Variants in WDFY3 observed in about 807,000 individuals in gnomAD.
The protein encoded by WDFY3 is WD repeat and FYVE domain containing 3, also known as WD repeat and FYVE domain-containing protein 3.
Under a neutral mutation model 409.6 loss-of-function variants are expected in WDFY3, and 66 were observed. The ratio of observed to expected loss-of-function variants is 0.16; its 90% CI spans 0.13 to 0.20. The LOEUF (loss-of-function observed/expected upper bound fraction) is 0.20. WDFY3 is among the 10% of genes least tolerant of loss of function. The pLI is 1.00. For missense variants in WDFY3, 3,031 were observed against 4,298.1 expected, an observed-to-expected ratio of 0.71 and a Z score of 8.24; for synonymous variants, 1,521 against 1,537.1, an observed-to-expected ratio of 0.99 and a Z score of 0.25.
intron 44 of WDFY3, among the ~76,000 whole-genome samples, chr4:84,731,730 T>C (rs915346564): frequency 2.0e-5 from 3 of 152,198 alleles, no homozygotes; most frequent in African/African-American, 7.2e-5. Context: ...TTATCTGATA[T>C]AGAAGTTTAA....
chr4:84,834,792 T>C (rs756646688), intron 7 of WDFY3, among the ~76,000 whole-genome samples: 3 of 152,186 alleles, frequency 2.0e-5, no homozygotes, highest in Non-Finnish European at 2.9e-5. Context: ...GCATGAAGCA[T>C]TACCAAATGC....
chr4:84,705,363 A>G lies in WDFY3; in HGVS notation c.8335+31T>C, dbSNP rs551185113. On this transcript the variant is annotated intron_variant, in intron 54 of 67. Transcript: ENST00000295888. ...AATGACTTACTTTTGAAACTTGGGTACAAAGTCCAATGACAGAAAAAGTTC... is the reference window on the plus strand; with the variant it reads ...AATGACTTACTTTTGAAACTTGGGTGCAAAGTCCAATGACAGAAAAAGTTC... 46 of 1,579,074 alleles carry G rather than the reference A, an allele frequency of 2.9e-5. No individual in the cohort carries two copies. The East Asian group carries it at 6.5e-4, about 22-fold the overall frequency.
chr4:84,890,393 C>T (rs1417093046), intron 3 of WDFY3, among the ~76,000 whole-genome samples: 3 of 152,226 alleles, frequency 2.0e-5, no homozygotes, highest in African/African-American at 4.8e-5. Context: ...AGCCACCACA[C>T]GTGGCCTTGC....
At chr4:84,868,005 C>T (rs1761638687) in intron 3 of WDFY3, among the ~76,000 whole-genome samples, 1 of 151,510 alleles carries the variant, frequency 6.6e-6, no homozygotes, top group Non-Finnish European at 1.5e-5. Flanking sequence ...CCTGTCTCTA[C>T]TAAAAATACA....
chr4:84,837,676 TCTAGAC>T (rs1756779861), intron 6 of WDFY3, among the ~76,000 whole-genome samples: 1 of 152,208 alleles, frequency 6.6e-6, no homozygotes, highest in African/African-American at 2.4e-5. Flanking sequence ...GAGGAGAAAC[TCTAGAC>T]CTTCTTACAG....
intron 3 of WDFY3, among the ~76,000 whole-genome samples, chr4:84,871,520 AG>A (rs1762132006): frequency 6.6e-6 from 1 of 152,244 alleles, no homozygotes; most frequent in Non-Finnish European, 1.5e-5. Context: ...AAATGTTAAA[AG>A]TTCTTCAGGA....
At chr4:84,849,395 C>T (rs1758560827) in intron 5 of WDFY3, among the ~76,000 whole-genome samples, 1 of 151,996 alleles carries the variant, frequency 6.6e-6, no homozygotes, top group African/African-American at 2.4e-5. Context: ...ATCAAGGAAG[C>T]ATGACTTAAT....
At chr4:84,785,277 G>A (rs1396340229) in intron 24 of WDFY3, among the ~76,000 whole-genome samples, 2 of 151,920 alleles carry the variant, frequency 1.3e-5, no homozygotes, top group East Asian at 1.9e-4. Context: ...TGTCTCCATG[G>A]CAGGTACGTA....
chr4:84,772,467 T>C (rs143781966), intron 30 of WDFY3, among the ~76,000 whole-genome samples: 76 of 152,296 alleles, frequency 5.0e-4, no homozygotes, highest in African/African-American at 1.7e-3. Context: ...TACAGATATA[T>C]GGATATAATT....
intron 3 of WDFY3, among the ~76,000 whole-genome samples, chr4:84,879,663 A>G (rs1763229608): frequency 6.6e-6 from 1 of 152,138 alleles, no homozygotes; most frequent in Non-Finnish European, 1.5e-5. Context: ...TAACTTCTGT[A>G]CATCAAAATA....
intron 32 of WDFY3, among the ~76,000 whole-genome samples, chr4:84,759,433 T>C (rs1375942453): frequency 6.6e-6 from 1 of 152,134 alleles, no homozygotes; most frequent in Non-Finnish European, 1.5e-5. Flanking sequence ...TTCCTACCCA[T>C]GAGCATGGAA....
intron 2 of WDFY3, among the ~76,000 whole-genome samples, chr4:84,909,061 A>C (rs148893230): frequency 3.6e-4 from 55 of 151,894 alleles, no homozygotes; most frequent in Middle Eastern, 6.8e-3. Context: ...CACACACACA[A>C]AAATATTTAC....
intron 36 of WDFY3, among the ~76,000 whole-genome samples, chr4:84,745,138 A>G (rs981710568): frequency 2.0e-5 from 3 of 152,194 alleles, no homozygotes; most frequent in African/African-American, 2.4e-5. Context: ...ATCCAGGTGC[A>G]TAACTTTCCA....
intron 17 of WDFY3, 51 bp downstream of exon 17, chr4:84,801,599 A>G: frequency 1.3e-6 from 2 of 1,544,080 alleles, no homozygotes; most frequent in Non-Finnish European, 8.8e-7. Context: ...TAAGGACTCT[A>G]GAAACTGACA....
rs568476262 is a variant in WDFY3 at position 84,840,335 on chromosome 4, T to C, written c.414+819A>G. On this transcript the variant is annotated intron_variant, in intron 6 of 67. Coordinates refer to ENST00000295888, the MANE Select transcript of WDFY3 (RefSeq NM_014991.6). ...TCAAATGAGAAGAAAATATATATTA[T>C]CCTAAAAATGTCAATGTTTCCTTAT... 4.1e-4 allele frequency among the ~76,000 whole-genome samples: 63 copies of C among 152,294 alleles called. No homozygotes were observed. The South Asian group carries it at 0.013, about 32-fold the overall frequency.
rs200224288 is a variant in WDFY3, at chr4:84,677,274, G to A, written c.10382C>T (p.Ser3461Leu). The change falls in exon 67 of 68, where the codon TCA becomes TTA. Residue 3461 changes from serine to leucine, a missense_variant. Ser to Leu is a moderately radical substitution (Grantham distance 145). Coordinates refer to ENST00000295888, the MANE Select transcript of WDFY3 (RefSeq NM_014991.6). ...GAGTGAAAACCTCACCGAGCAGCCTGAGCAGCTGTCACCACCTTCATCCTT... is the reference window on the plus strand; with the variant it reads ...GAGTGAAAACCTCACCGAGCAGCCTAAGCAGCTGTCACCACCTTCATCCTT... ...WVKDEGGDSCSGCSVRFSLTE... is the reference protein window; with the variant it reads ...WVKDEGGDSCLGCSVRFSLTE... 19 of 1,614,212 alleles carry A rather than the reference G, an allele frequency of 1.2e-5. No homozygotes were observed. In the East Asian group the frequency reaches 4.0e-4, roughly 34 times the overall value.
At chr4:84,722,597 C>T (rs1183796854) in intron 46 of WDFY3, among the ~76,000 whole-genome samples, 1 of 152,140 alleles carries the variant, frequency 6.6e-6, no homozygotes, top group Non-Finnish European at 1.5e-5. Context: ...TTACTACCTA[C>T]ATTTTGACAA....
At chr4:84,797,633 T>C (rs533273024) in intron 18 of WDFY3, among the ~76,000 whole-genome samples, 3 of 151,978 alleles carry the variant, frequency 2.0e-5, no homozygotes, top group Non-Finnish European at 4.4e-5. Context: ...CAGGCTGGAG[T>C]GCAGTGGCGC....
chr4:84,761,177 G>A (rs758582531), intron 32 of WDFY3, among the ~76,000 whole-genome samples: 58 of 152,108 alleles, frequency 3.8e-4, no homozygotes, highest in Admixed American at 9.2e-4. Context: ...GAGATAGTTT[G>A]TTATAATTTC....
Sources: allele counts gnomAD v4.1 joint callset (sites outside exome capture counted in the v4.1 genomes callset), GRCh38; gene constraint gnomAD v4.1.1; transcripts MANE v1.5; gene names NCBI Gene and HGNC (gene_info 2026-07-23, HGNC 2026-07-21).